Variants in TRAF7 observed in about 807,000 individuals in gnomAD.
TRAF7 encodes TNF receptor associated factor 7, also known as E3 ubiquitin-protein ligase TRAF7.
TRAF7 carries 45 observed loss-of-function variants against 89.3 expected under a neutral mutation model. The ratio of observed to expected loss-of-function variants is 0.50; its 90% CI spans 0.40 to 0.65. The LOEUF is 0.65. Among genes scored for constraint, TRAF7 ranks in the 30% least tolerant of loss-of-function variants. TRAF7 has a pLI of 0.00. For synonymous variants in TRAF7, 406 were observed against 369.2 expected, an observed-to-expected ratio of 1.10 and a Z score of -1.14; for missense variants, 677 against 918.1, an observed-to-expected ratio of 0.74 and a Z score of 3.39.
At position 2,168,879 on chromosome 16, in the gene TRAF7, G is replaced by C. The variant is rs530260606; in HGVS notation, c.231+711G>C. On this transcript the variant is annotated intron_variant, in intron 4 of 20. Coordinates refer to ENST00000326181, the MANE Select transcript of TRAF7 (RefSeq NM_032271.3). The surrounding 1 kb of genome is among the most constrained non-coding windows in gnomAD (Gnocchi z 4.1). ...TGGGCATGAAGGACTGGCCCAGCAG[G>C]GGGTGGGGGTGTGTGGGGCCTCTCT... is the stretch of plus-strand genomic sequence containing the variant. Among the ~76,000 whole-genome samples the C allele has an allele frequency of 2.0e-5, 3 of 152,306 alleles. No homozygotes were observed. The highest frequency in any genetic ancestry group is 2.0e-4 in the Admixed American group (3 of 15,302).
At position 2,174,296 on chromosome 16, in the gene TRAF7, G is replaced by A. The variant is rs918826424; in HGVS notation, c.1309G>A (p.Gly437Ser). ...TTYKCQKTLE[G>S]HDGIVLALCI... ...CTACAAGTGTCAGAAGACACTGGAG[G>A]GCCATGATGGCATCGTGCTGGCTCT... Residue 437 changes from glycine to serine, a missense_variant, in exon 14 of 21, where the codon GGC becomes AGC. Around this residue, in one of 6 missense-constraint regions of TRAF7, gnomAD observed 160 missense variants for 263.7 expected, o/e 0.61. Transcript: ENST00000326181. 5.0e-6 allele frequency: 8 copies of A among 1,613,102 alleles called. No homozygotes were observed. In the East Asian group the frequency reaches 1.6e-4, roughly 31 times the overall value.
At position 2,175,287 on chromosome 16, in the gene TRAF7, C is replaced by A; in HGVS notation, c.1387-14C>A. 2 of 1,612,966 alleles carry A rather than the reference C, an allele frequency of 1.2e-6. No individual in the cohort carries two copies. The highest frequency in any genetic ancestry group is 2.2e-5 in the South Asian group (2 of 91,072). The stretch of plus-strand genomic sequence containing the variant: ...GGCTTGGTGCCCTGAGGCTGCCGGT[C>A]CTTCCCCAATCAGGTGTGGGACATC... On this transcript the variant is annotated splice_polypyrimidine_tract_variant and intron_variant, in intron 15 of 20. Coordinates refer to ENST00000326181, the MANE Select transcript of TRAF7 (RefSeq NM_032271.3).
Position 2,165,932 on chromosome 16 carries a change from A to G in TRAF7, c.135A>G (p.Thr45=), listed in dbSNP as rs750759264. ...GPAFSAVTTI[T]KADGTSTYKQ... ...CCTTTTCAGCCGTCACCACCATCAC[A>G]AAAGGTGAGCCCTTAAGCCAAGGCC... Residue 45 remains threonine, a synonymous_variant, in exon 3 of 21, where the codon ACA becomes ACG. Coordinates refer to ENST00000326181, the MANE Select transcript of TRAF7 (RefSeq NM_032271.3). 40 of 1,613,964 alleles carry G rather than the reference A, an allele frequency of 2.5e-5. No individual in the cohort carries two copies. The East Asian group carries it at 5.1e-4, about 21-fold the overall frequency.
At chr16:2,166,288 C>T (rs1202710711) in intron 3 of TRAF7, among the ~76,000 whole-genome samples, 1 of 152,226 alleles carries the variant, frequency 6.6e-6, no homozygotes, top group African/African-American at 2.4e-5. Flanking sequence ...GGCTCCTGGC[C>T]AGCCTCCGAA....
chr16:2,171,548 C>G lies in TRAF7; in HGVS notation c.442-24C>G, dbSNP rs771645263. 4 of 1,613,224 alleles carry G rather than the reference C, an allele frequency of 2.5e-6. No homozygotes were observed. The East Asian group carries it at 6.7e-5, about 27-fold the overall frequency. On this transcript the variant is annotated intron_variant, in intron 6 of 20. Coordinates refer to ENST00000326181, the MANE Select transcript of TRAF7 (RefSeq NM_032271.3). ...GAAAAAGAGGACCCTGCGCCACCCT[C>G]AAGCCCGCCCTTTGCCTCCACAGCA... is the stretch of plus-strand genomic sequence containing the variant.
At chr16:2,169,466 G>A (rs1195967134) in intron 4 of TRAF7, among the ~76,000 whole-genome samples, 1 of 152,106 alleles carries the variant, frequency 6.6e-6, no homozygotes, top group Non-Finnish European at 1.5e-5. Flanking sequence ...ATCCCCATGG[G>A]TCACGGTGGC....
At chr16:2,169,799 C>T (rs931911761) in intron 4 of TRAF7, among the ~76,000 whole-genome samples, 2 of 152,240 alleles carry the variant, frequency 1.3e-5, no homozygotes, top group African/African-American at 2.4e-5. Context: ...CACAATGCCC[C>T]CCGCCGGCCT....
chr16:2,171,085 G>C (rs1477482899), intron 5 of TRAF7, among the ~76,000 whole-genome samples, 179 bp from the exon 6 acceptor site: 1 of 152,192 alleles, frequency 6.6e-6, no homozygotes, highest in Non-Finnish European at 1.5e-5. Flanking sequence ...TGGGGCCACA[G>C]ACCTCGCTCT....
chr16:2,175,836 C>T lies in TRAF7; in HGVS notation c.1629C>T (p.Ile543=), dbSNP rs946553688. 6 of 1,613,166 alleles carry T rather than the reference C, an allele frequency of 3.7e-6. No individual in the cohort carries two copies. Among genetic ancestry groups the T allele is most frequent in the East Asian group, 4.5e-5 (2 of 44,896 alleles). ...LYSGSYQTIK[I]WDIRTLDCIH... ...AACTGGCCCACGATTACTCATAGATCTGGGACATCCGAACCCTTGACTGCA... is the reference window on the plus strand; with the variant it reads ...AACTGGCCCACGATTACTCATAGATTTGGGACATCCGAACCCTTGACTGCA... Residue 543 remains isoleucine, a splice_region_variant and synonymous_variant, in exon 18 of 21, where the codon ATC becomes ATT. Coordinates refer to ENST00000326181, the MANE Select transcript of TRAF7 (RefSeq NM_032271.3).
Position 2,163,486 on chromosome 16 carries a change from C to T in TRAF7, c.-38-397C>T. ...TGACTGCGTCCCGCCACGTGGGCCA[C>T]ACCCTGGGCCTACCCACCAAGGCCC... On this transcript the variant is annotated intron_variant, in intron 1 of 20. Coordinates refer to ENST00000326181, the MANE Select transcript of TRAF7 (RefSeq NM_032271.3). This position sits in a 1 kb window ranked among gnomAD's most constrained non-coding sequence, Gnocchi z 4.3. 1 of 213,688 alleles carries T rather than the reference C, an allele frequency of 4.7e-6. No homozygotes were observed. The highest frequency in any genetic ancestry group is 5.9e-5 in the South Asian group (1 of 16,986). The allele number at this position is 213,688 out of a possible 1,614,324, so 13.2% of individuals were successfully genotyped here. A position where few individuals can be genotyped will look rare whatever the true frequency, so the allele number is the denominator to read the frequency against.
intron 2 of TRAF7, among the ~76,000 whole-genome samples, 166 bp downstream of exon 2, chr16:2,164,167 C>CGT (rs1332597585): frequency 2.8e-5 from 3 of 105,666 alleles, no homozygotes; most frequent in East Asian, 3.1e-4. Context: ...TGTGCGCGCG[C>CGT]GCGCGCGCGC....
intron 4 of TRAF7, among the ~76,000 whole-genome samples, chr16:2,170,300 G>A (rs899672759): frequency 2.0e-5 from 3 of 152,188 alleles, no homozygotes; most frequent in Non-Finnish European, 2.9e-5. Flanking sequence ...ATTCCCCCAC[G>A]GGAAGCAGGA....
At chr16:2,176,406 C>T in intron 20 of TRAF7, 22 bp downstream of exon 20, 1 of 1,611,100 alleles carries the variant, frequency 6.2e-7, no homozygotes, top group Non-Finnish European at 8.5e-7. Flanking sequence ...TGGCTCAGGC[C>T]ATTCAAAGGG....
At chr16:2,160,559 G>A (rs1467279614) in intron 1 of TRAF7, among the ~76,000 whole-genome samples, 8 of 132,422 alleles carry the variant, frequency 6.0e-5, no homozygotes, top group African/African-American at 2.3e-4. Context: ...ATGGGCGGGC[G>A]GTGTGGGTGG....
At chr16:2,171,532 G>A (rs1450624565) in intron 6 of TRAF7, 40 bp from the exon 7 acceptor site, 1 of 1,612,832 alleles carries the variant, frequency 6.2e-7, no homozygotes, top group Non-Finnish European at 8.5e-7. Context: ...GGAAAAAGAG[G>A]ACCCTGCGCC....
At chr16:2,164,157 T>TGC (rs1264547649) in intron 2 of TRAF7, among the ~76,000 whole-genome samples, 156 bp downstream of exon 2, 187 of 126,478 alleles carry the variant, frequency 1.5e-3, no homozygotes, top group South Asian at 4.6e-3. Context: ...TGTGTGTGTG[T>TGC]GTGCGCGCGC....
chr16:2,156,354 T>G (rs2093034418), intron 1 of TRAF7, among the ~76,000 whole-genome samples: 1 of 152,116 alleles, frequency 6.6e-6, no homozygotes, highest in Non-Finnish European at 1.5e-5. Context: ...CTTCCTCAAT[T>G]GCGATAACAA....
In TRAF7 at chr16:2,170,418, C is replaced by T. The variant is rs530922886; in HGVS notation, c.232-196C>T. Among the ~76,000 whole-genome samples the T allele has an allele frequency of 3.9e-5, 6 of 152,352 alleles. No homozygotes were observed. The South Asian group carries it at 8.3e-4, about 21-fold the overall frequency. ...AGCACCCCGGCCCAGGCCGCCCAGG[C>T]GGGCAGGCAGGGACCTGGGTTGCAT... On this transcript the variant is annotated intron_variant, in intron 4 of 20. Coordinates refer to ENST00000326181, the MANE Select transcript of TRAF7 (RefSeq NM_032271.3).
chr16:2,164,159 TGCGCGCGCGCGCGCGCGCGCGCAC>T (rs1256132349), intron 2 of TRAF7, among the ~76,000 whole-genome samples, 158 bp downstream of exon 2: 40 of 126,132 alleles, frequency 3.2e-4, no homozygotes, highest in East Asian at 2.4e-3. Context: ...TGTGTGTGTG[TGCGCGCGCGCGCGCGCGCGCGCAC>T]GCGTGCGTGT....
Sources: gnomAD v4.1 joint callset for allele counts (sites outside exome capture counted in the v4.1 genomes callset) on GRCh38, gnomAD v4.1.1 for gene constraint, gnomAD v4.1.1 regional missense constraint, Gnocchi (gnomAD v3.1) non-coding constraint, MANE v1.5 for transcripts, NCBI Gene and HGNC (gene_info 2026-07-23, HGNC 2026-07-21) for gene names.